The following SYCP2 variants were observed in gnomAD, a reference collection of about 807,000 sequenced individuals.
SYCP2 encodes the protein synaptonemal complex lateral element protein.
In SYCP2, 55 loss-of-function variants were observed where a neutral mutation model predicts 211.3. That is an observed-to-expected ratio of 0.26 (90% confidence interval 0.21 to 0.33). The LOEUF is 0.33. Ranked by LOEUF, SYCP2 falls within the 10% of genes least tolerant of loss-of-function variation. The probability of loss-of-function intolerance (pLI) is 1.00; values close to 1 mark genes in which losing one functional copy is unlikely to be tolerated. For synonymous variants in SYCP2, 570 were observed against 555.2 expected (o/e 1.03, Z -0.37); for missense variants, 1,731 against 1,752.0 (o/e 0.99, Z 0.21).
intron 18 of SYCP2, among the ~76,000 whole-genome samples, chr20:59,897,535 G>T: frequency 6.6e-6 from 1 of 152,104 alleles, no homozygotes; most frequent in East Asian, 1.9e-4. Context: ...AGATTCAACA[G>T]ATTTAAGGTG....
intron 2 of SYCP2, among the ~76,000 whole-genome samples, chr20:59,924,893 G>A (rs1318207104): frequency 6.6e-6 from 1 of 151,956 alleles, no homozygotes; most frequent in Non-Finnish European, 1.5e-5. Context: ...AAGCAGTAAG[G>A]AAAGGGTAAG....
At chr20:59,881,284 G>C (rs2059674437) in intron 29 of SYCP2, among the ~76,000 whole-genome samples, 153 bp downstream of exon 29, 1 of 151,516 alleles carries the variant, frequency 6.6e-6, no homozygotes, top group South Asian at 2.1e-4. Context: ...TTAATTTAAA[G>C]AGTAAATGTT....
chr20:59,932,564 C>T (rs190172595), intron 1 of SYCP2, among the ~76,000 whole-genome samples: 23 of 152,260 alleles, frequency 1.5e-4, no homozygotes, highest in African/African-American at 5.3e-4. Context: ...GTCCCAGTTA[C>T]TCCGGAGGCT....
chr20:59,921,286 C>A, intron 4 of SYCP2, 24 bp downstream of exon 4: 1 of 1,564,878 alleles, frequency 6.4e-7, no homozygotes, highest in Middle Eastern at 1.7e-4. Context: ...TTGTAACAAT[C>A]ATTCAGCAAA....
chr20:59,912,284 T>A, intron 13 of SYCP2, 89 bp downstream of exon 13: 1 of 589,338 alleles, frequency 1.7e-6, no homozygotes, highest in Non-Finnish European at 3.0e-6. Context: ...CAACTATTTT[T>A]AGTGTTCTTA....
At chr20:59,913,504 T>C (rs191258254) in intron 12 of SYCP2, among the ~76,000 whole-genome samples, 107 of 152,298 alleles carry the variant, frequency 7.0e-4, no homozygotes, top group Admixed American at 1.8e-3. Context: ...ACACATCCTT[T>C]CATGCCCCTC....
chr20:59,929,993 A>G (rs2060705006), intron 2 of SYCP2, among the ~76,000 whole-genome samples: 1 of 152,174 alleles, frequency 6.6e-6, no homozygotes, highest in Non-Finnish European at 1.5e-5. Flanking sequence ...AACCATTAGG[A>G]CAGAGCAAAA....
Position 59,881,470 on chromosome 20 carries a change from G to A in SYCP2, c.2681C>T (p.Ala894Val). The stretch of plus-strand genomic sequence containing the variant: ...TGACCTATCCGCACAAGCTTCTTTA[G>A]CTGTAGCTTGAAACTCTTGGATCTA... ...KLGIQEFQAT[A>V]KEACADRSIR... Residue 894 changes from alanine (A) to valine (V), a missense_variant, in exon 29 of 45, where the codon GCT becomes GTT. Coordinates refer to ENST00000357552, the MANE Select transcript of SYCP2 (RefSeq NM_014258.4). 1 of 1,537,736 alleles carries A rather than the reference G, an allele frequency of 6.5e-7. No homozygotes were observed. Among genetic ancestry groups the A allele is most frequent in the Non-Finnish European group, 8.8e-7 (1 of 1,136,266 alleles).
At chr20:59,884,268 T>C (rs1372330363) in intron 26 of SYCP2, among the ~76,000 whole-genome samples, 2 of 151,904 alleles carry the variant, frequency 1.3e-5, no homozygotes, top group Non-Finnish European at 2.9e-5. Context: ...TAAAATCTCA[T>C]GTAAAAGAGT....
intron 14 of SYCP2, among the ~76,000 whole-genome samples, chr20:59,908,846 A>G (rs1568965269): frequency 6.6e-6 from 1 of 152,084 alleles, no homozygotes; most frequent in Non-Finnish European, 1.5e-5. Flanking sequence ...TCAATTTATG[A>G]AAGCTCTTAT....
At position 59,864,624 on chromosome 20, in the gene SYCP2, G is replaced by A. The variant is rs528225754; in HGVS notation, c.4516-236C>T. ...TCTAATCTTTTAAAGCCCCAAATCA[G>A]TGAAATTTAGATTCAATTTTTAAAG... On this transcript the variant is annotated intron_variant, in intron 44 of 44. Coordinates refer to ENST00000357552, the MANE Select transcript of SYCP2 (RefSeq NM_014258.4). Among the ~76,000 whole-genome samples the A allele has an allele frequency of 2.6e-5, 4 of 152,050 alleles. No individual in the cohort carries two copies. The South Asian group carries it at 6.2e-4, about 24-fold the overall frequency.
Position 59,895,535 on chromosome 20 carries a change from G to A in SYCP2, c.1567C>T (p.Pro523Ser). 1 of 1,613,166 alleles carries A rather than the reference G, an allele frequency of 6.2e-7. No individual in the cohort carries two copies. Among genetic ancestry groups the A allele is most frequent in the Non-Finnish European group, 8.5e-7 (1 of 1,179,462 alleles). Residue 523 changes from proline (P) to serine (S), a missense_variant, in exon 20 of 45, where the codon CCT becomes TCT. This residue lies in a region of SYCP2 where 1,387 missense variants were observed against 1,351.3 expected (regional missense o/e 1.03). Coordinates refer to ENST00000357552, the MANE Select transcript of SYCP2 (RefSeq NM_014258.4). The part of the protein sequence containing the change: ...PLQMTSSAEK[P>S]SVSQTSENRV... ...TTTTCTGATGTTTGAGAAACACTAG[G>A]TTTCTCTGCAGAGCTCGTCATTTGC...
At chr20:59,915,299 G>T in intron 9 of SYCP2, 100 bp from the exon 10 acceptor site, 1 of 1,068,924 alleles carries the variant, frequency 9.4e-7, no homozygotes. Flanking sequence ...ATTTACAATT[G>T]GCTAATATCA....
At chr20:59,890,110 T>C (rs1278216242) in intron 24 of SYCP2, among the ~76,000 whole-genome samples, 5 of 152,312 alleles carry the variant, frequency 3.3e-5, no homozygotes, top group East Asian at 3.9e-4. Flanking sequence ...GTATGTTTAC[T>C]GCGGCACTAT....
chr20:59,930,336 G>A (rs2060714618), intron 2 of SYCP2, among the ~76,000 whole-genome samples: 1 of 152,200 alleles, frequency 6.6e-6, no homozygotes, highest in Non-Finnish European at 1.5e-5. Context: ...TTCAGATTGT[G>A]CTAATGCTAA....
At chr20:59,892,453 C>A in intron 23 of SYCP2, 27 bp from the exon 24 acceptor site, 3 of 1,451,658 alleles carry the variant, frequency 2.1e-6, no homozygotes, top group East Asian at 2.4e-5. Context: ...GAAATTAATT[C>A]TTTTTAAATT....
At chr20:59,900,320 T>C (rs781771050) in intron 17 of SYCP2, 36 bp from the exon 18 acceptor site, 2 of 1,525,844 alleles carry the variant, frequency 1.3e-6, no homozygotes, top group Admixed American at 4.2e-5. Flanking sequence ...TATTTAAAAC[T>C]GCAAACCACA....
Position 59,895,451 on chromosome 20 carries a change from CTCT to C in SYCP2, c.1648_1650del (p.Arg550del), listed in dbSNP as rs762710738. 1 of 1,601,912 alleles carries C rather than the reference CTCT, an allele frequency of 6.2e-7. No individual in the cohort carries two copies. The highest frequency in any genetic ancestry group is 8.5e-7 in the Non-Finnish European group (1 of 1,175,926). On this transcript the variant is annotated inframe_deletion, in exon 20 of 45. Transcript: ENST00000357552. Reference sequence around the variant, plus strand: ...GGTAAAGTTACTTTGTCTATATTATCTCTTCTATGTCTTCCTTCTGATGATCTA... The same window carrying C: ...GGTAAAGTTACTTTGTCTATATTATCTCTATGTCTTCCTTCTGATGATCTA...
chr20:59,907,266 T>C, intron 15 of SYCP2, 98 bp downstream of exon 15: 1 of 738,024 alleles, frequency 1.4e-6, no homozygotes, highest in Non-Finnish European at 2.3e-6. Flanking sequence ...ATATTGATTT[T>C]GCTTTCATTA....
Sources: allele counts gnomAD v4.1 joint callset (sites outside exome capture counted in the v4.1 genomes callset), GRCh38; gene constraint gnomAD v4.1.1; regional missense constraint gnomAD v4.1.1; transcripts MANE v1.5; gene names NCBI Gene and HGNC (gene_info 2026-07-23, HGNC 2026-07-21).